Variants in ERCC4 observed in about 807,000 individuals in gnomAD.
The protein encoded by ERCC4 is DNA repair endonuclease XPF.
A neutral mutation model predicts 76.9 loss-of-function variants in ERCC4; 65 were observed. The observed-to-expected ratio is 0.84, with a 90% CI of 0.69 to 1.04. The LOEUF (loss-of-function observed/expected upper bound fraction) is 1.04. ERCC4 is among the 50% of genes least tolerant of loss of function. The pLI, the probability that ERCC4 is intolerant of heterozygous loss-of-function variation, is 0.00. For missense variants in ERCC4, 1,214 were observed against 1,128.2 expected (o/e 1.08, Z -1.09); for synonymous variants, 463 against 410.1 (o/e 1.13, Z -1.56).
intron 5 of ERCC4, chr16:13,931,135 A>G: frequency 2.0e-6 from 1 of 509,386 alleles, no homozygotes; most frequent in Non-Finnish European, 3.5e-6. Flanking sequence ...ATTTCTAGAA[A>G]AGACTGTGTG....
chr16:13,942,334 AT>A (rs1445831229), intron 9 of ERCC4, among the ~76,000 whole-genome samples: 1 of 152,160 alleles, frequency 6.6e-6, no homozygotes, highest in East Asian at 1.9e-4. Context: ...TTTTTCTCAC[AT>A]TCGACTTGTA....
chr16:13,940,785 G>T (rs575467989), intron 9 of ERCC4, among the ~76,000 whole-genome samples: 1 of 152,306 alleles, frequency 6.6e-6, no homozygotes, highest in African/African-American at 2.4e-5. Flanking sequence ...TACTCCAGGG[G>T]CTCAGAGCTC....
intron 9 of ERCC4, 25 bp from the exon 10 acceptor site, chr16:13,944,698 G>C: frequency 1.4e-6 from 2 of 1,462,672 alleles, no homozygotes; most frequent in East Asian, 2.3e-5. Context: ...TGTTTCAGAA[G>C]TGTTGACAAT....
At chr16:13,927,993 T>G (rs748246572) in intron 3 of ERCC4, 35 bp from the exon 4 acceptor site, 2 of 1,514,802 alleles carry the variant, frequency 1.3e-6, no homozygotes, top group East Asian at 4.5e-5. Context: ...CTGCTGAAAC[T>G]CTAGAAAATT....
chr16:13,930,496 A>G (rs553608694), intron 4 of ERCC4, among the ~76,000 whole-genome samples: 1 of 152,186 alleles, frequency 6.6e-6, no homozygotes, highest in Admixed American at 6.5e-5. Flanking sequence ...AAATTTAAAC[A>G]TTATTATTAG....
chr16:13,928,802 A>G (rs2141946823), intron 4 of ERCC4, among the ~76,000 whole-genome samples: 1 of 152,296 alleles, frequency 6.6e-6, no homozygotes, highest in South Asian at 2.1e-4. Context: ...TATTACAGAT[A>G]CATAAACGTC....
Position 13,950,181 on chromosome 16 carries a change from A to G in ERCC4, c.*1834A>G. On this transcript the variant is annotated 3_prime_UTR_variant, in exon 11 of 11. Transcript: ENST00000311895. Reference sequence around the variant, plus strand: ...TCACCATGTTGGCCAGGCTGGTCTCAAACTACTGACCTCAGGTGATCCACC... The same window carrying G: ...TCACCATGTTGGCCAGGCTGGTCTCGAACTACTGACCTCAGGTGATCCACC... 5.4e-6 allele frequency: 1 copy of G among 185,418 alleles called. No individual in the cohort carries two copies. Among genetic ancestry groups the G allele is most frequent in the Non-Finnish European group, 1.1e-5 (1 of 87,660 alleles). The allele number at this position is 185,418 out of a possible 1,614,324, so 11.5% of individuals were successfully genotyped here.
At chr16:13,934,447 A>G (rs2141606103) in intron 7 of ERCC4, 145 bp downstream of exon 7, 2 of 681,204 alleles carry the variant, frequency 2.9e-6, no homozygotes, top group Non-Finnish European at 5.3e-6. Context: ...TATTTTATCT[A>G]TAAAATGTAG....
rs12325236 is a variant in ERCC4 at position 13,951,091 on chromosome 16, T to C, written c.*2744T>C. 2 of 185,970 alleles carry C rather than the reference T, an allele frequency of 1.1e-5. No individual in the cohort carries two copies. The highest frequency in any genetic ancestry group is 2.3e-5 in the Non-Finnish European group (2 of 87,926). 11.5% of individuals were successfully genotyped at this position (185,970 alleles called of 1,614,324 possible). On this transcript the variant is annotated 3_prime_UTR_variant, in exon 11 of 11. Coordinates refer to ENST00000311895, the MANE Select transcript of ERCC4 (RefSeq NM_005236.3). ...ACTTCCTCTTCCAACTACATAAATA[T>C]ATTTCAATGTATTTCCAGTTTTGGA...
intron 6 of ERCC4, chr16:13,933,462 A>T (rs899288246): frequency 1.3e-5 from 2 of 153,240 alleles, no homozygotes; most frequent in African/African-American, 4.8e-5. Flanking sequence ...TAATCCCAGT[A>T]CTTTGGGAAG....
At chr16:13,922,705 A>G (rs1185808776) in intron 2 of ERCC4, 6 of 369,400 alleles carry the variant, frequency 1.6e-5, no homozygotes, top group South Asian at 1.2e-4. Context: ...CGGAGAGGGT[A>G]TTTTCTACAT....
chr16:13,921,545 G>T (rs537840775), intron 1 of ERCC4, among the ~76,000 whole-genome samples: 1 of 152,308 alleles, frequency 6.6e-6, no homozygotes, highest in South Asian at 2.1e-4. Context: ...AGTAAAGATG[G>T]TTTTAAACTG....
rs1216362714 is a variant in ERCC4 at position 13,930,897 on chromosome 16, G to T, written c.973+7G>T. ...GCTTTTGGTCAGAATTCAGGTGGGA[G>T]ATTAAAATACTAATAATATTCTAAG... On this transcript the variant is annotated splice_region_variant and intron_variant, in intron 5 of 10. Transcript: ENST00000311895. The T allele has an allele frequency of 3.8e-6, 6 of 1,583,646 alleles. No individual in the cohort carries two copies. In the African/African-American group the frequency reaches 6.7e-5, roughly 18 times the overall value.
intron 9 of ERCC4, among the ~76,000 whole-genome samples, chr16:13,939,464 A>G (rs1286507857): frequency 6.6e-6 from 1 of 152,194 alleles, no homozygotes; most frequent in Non-Finnish European, 1.5e-5. Context: ...AGTACATCAA[A>G]GACCTCACCC....
rs368074716 is a variant in ERCC4 at position 13,929,870 on chromosome 16, A to C, written c.793-840A>C. Among the ~76,000 whole-genome samples the C allele has an allele frequency of 2.6e-4, 39 of 152,314 alleles. No homozygotes were observed. In the East Asian group the frequency reaches 4.2e-3, roughly 17 times the overall value. On this transcript the variant is annotated intron_variant, in intron 4 of 10. Transcript: ENST00000311895. ...TCCCAGCTACTTGGGAGGCTGAGGC[A>C]GGATAATGGCACGAACCTGGGAGGC...
chr16:13,950,205 C>T lies in ERCC4; in HGVS notation c.*1858C>T, dbSNP rs775803860. 4.5e-4 allele frequency: 84 copies of T among 187,272 alleles called. No individual in the cohort carries two copies. The highest frequency in any genetic ancestry group is 6.4e-4 in the Non-Finnish European group (57 of 88,858). 11.6% of individuals were successfully genotyped at this position (187,272 alleles called of 1,614,324 possible). A position where few individuals can be genotyped will look rare whatever the true frequency, so the allele number is the denominator to read the frequency against. On this transcript the variant is annotated 3_prime_UTR_variant, in exon 11 of 11. Transcript: ENST00000311895. ...CAAACTACTGACCTCAGGTGATCCA[C>T]CCACCTTGGCCTCCCAAAGTGCTGA...
chr16:13,935,135 T>G lies in ERCC4; in HGVS notation c.1214-11T>G. ...AGGTAATAGTAACATAATGTTGTTTTCTATTTTCAGGTCAAGTACTGATTT... is the reference window on the plus strand; with the variant it reads ...AGGTAATAGTAACATAATGTTGTTTGCTATTTTCAGGTCAAGTACTGATTT... On this transcript the variant is annotated splice_polypyrimidine_tract_variant and intron_variant, in intron 7 of 10. Transcript: ENST00000311895. 6.3e-7 allele frequency: 1 copy of G among 1,592,824 alleles called. No individual in the cohort carries two copies. Among genetic ancestry groups the G allele is most frequent in the African/African-American group, 1.3e-5 (1 of 74,678 alleles).
chr16:13,943,238 T>C (rs2032449469), intron 9 of ERCC4, among the ~76,000 whole-genome samples: 1 of 152,234 alleles, frequency 6.6e-6, no homozygotes, highest in Non-Finnish European at 1.5e-5. Flanking sequence ...TTTCCTCTAA[T>C]GGGTGTATTA....
chr16:13,924,219 A>C (rs1355067229), intron 2 of ERCC4, among the ~76,000 whole-genome samples: 1 of 152,150 alleles, frequency 6.6e-6, no homozygotes, highest in African/African-American at 2.4e-5. Context: ...CCCAGCCCCA[A>C]CTTCTTCACC....
Sources: gnomAD v4.1 joint callset for allele counts (sites outside exome capture counted in the v4.1 genomes callset) on GRCh38, gnomAD v4.1.1 for gene constraint, MANE v1.5 for transcripts, NCBI Gene and HGNC (gene_info 2026-07-23, HGNC 2026-07-21) for gene names.